VGF: variants seen among roughly 807,000 people sequenced by gnomAD.
VGF encodes the protein VGF nerve growth factor inducible.
A neutral mutation model predicts 41.1 loss-of-function variants in VGF; 13 were observed. The ratio of observed to expected loss-of-function variants is 0.32; its 90% CI spans 0.21 to 0.50. VGF has a LOEUF of 0.50. Ranked by LOEUF, VGF falls within the 20% of genes least tolerant of loss-of-function variation. The pLI, the probability that VGF is intolerant of heterozygous loss-of-function variation, is 0.98. For synonymous variants in VGF, 473 were observed against 418.3 expected (o/e 1.13, Z -1.60); for missense variants, 920 against 882.1 (o/e 1.04, Z -0.54).
In VGF at chr7:101,164,385, G is replaced by T; in HGVS notation, c.459C>A (p.Ser153=). ...GGGACGCTAGCGCCTCGAGCTCCTC[G>T]GAGGGATCGCTCGCCTCGGGCCCAT... ...PENGPEASDP[S]EELEALASLL... is the part of the protein sequence containing the mutation. Residue 153 remains serine (S), a synonymous_variant, in exon 2 of 2, where the codon TCC becomes TCA. Coordinates refer to ENST00000249330, the MANE Select transcript of VGF (RefSeq NM_003378.4). 6.2e-7 allele frequency: 1 copy of T among 1,611,624 alleles called. No homozygotes were observed. The highest frequency in any genetic ancestry group is 8.5e-7 in the Non-Finnish European group (1 of 1,179,852).
chr7:101,162,692 G>C lies in VGF; in HGVS notation c.*304C>G, dbSNP rs978410886. On this transcript the variant is annotated 3_prime_UTR_variant, in exon 2 of 2. Coordinates refer to ENST00000249330, the MANE Select transcript of VGF (RefSeq NM_003378.4). The surrounding 1 kb of genome is among the most constrained non-coding windows in gnomAD (Gnocchi z 4.2). ...ACAATTAACTGGAACTGCTTTTTCC[G>C]GTTTCCGACGGGGACGTCCCCAGAG... is the stretch of plus-strand genomic sequence containing the variant. The C allele has an allele frequency of 5.9e-6, 3 of 509,848 alleles. No individual in the cohort carries two copies. The highest frequency in any genetic ancestry group is 1.1e-5 in the Non-Finnish European group (3 of 270,240). The allele number at this position is 509,848 out of a possible 1,614,324, so 31.6% of individuals were successfully genotyped here.
At chr7:101,165,149 A>C in intron 1 of VGF, 5 of 1,097,476 alleles carry the variant, frequency 4.6e-6, no homozygotes, top group East Asian at 5.3e-5. Flanking sequence ...CAGCAGCAAT[A>C]TGGGGGAAAA....
upstream of VGF, among the ~76,000 whole-genome samples, chr7:101,169,535 A>T (rs1291701268): frequency 3.3e-5 from 5 of 152,102 alleles, no homozygotes; most frequent in Non-Finnish European, 7.4e-5. Context: ...TAGGCTGGAG[A>T]TGTGTGCAGG....
chr7:101,165,610 C>A, upstream of VGF: 1 of 985,330 alleles, frequency 1.0e-6, no homozygotes, highest in African/African-American at 1.7e-5. Context: ...AAGGGGAGCG[C>A]GCGGGGTCAC....
At chr7:101,166,973 AG>A (rs1797231467), upstream of VGF, among the ~76,000 whole-genome samples, 2 of 152,122 alleles carry the variant, frequency 1.3e-5, no homozygotes, top group African/African-American at 4.8e-5. Context: ...CTGCGGACAT[AG>A]GGGTGCTCGT....
Position 101,163,045 on chromosome 7 carries a change from T to C in VGF, c.1799A>G (p.Gln600Arg). Residue 600 changes from glutamine to arginine, a missense_variant, in exon 2 of 2, where the codon CAG becomes CGG. Around this residue, in one of 3 missense-constraint regions of VGF, gnomAD observed 257 missense variants for 217.2 expected, o/e 1.18. Transcript: ENST00000249330. This position sits in a 1 kb window ranked among gnomAD's most constrained non-coding sequence, Gnocchi z 5.0. ...CTCGATGTAATTCTCCAGCTCCTCC[T>C]GCTCCTGCAGCCGGCGCTCCTCCGC... The part of the protein sequence containing the change: ...AEAEERRLQE[Q>R]EELENYIEHV... 2 of 1,570,908 alleles carry C rather than the reference T, an allele frequency of 1.3e-6. No individual in the cohort carries two copies. The highest frequency in any genetic ancestry group is 1.7e-6 in the Non-Finnish European group (2 of 1,163,348).
chr7:101,163,676 C>T lies in VGF; in HGVS notation c.1168G>A (p.Ala390Thr), dbSNP rs1286772333. ...GCCCTCTCCGCCTCCTCCGCCTCTG[C>T]CTCCGCCTCGGCCGCCTCCTCATCC... is the stretch of plus-strand genomic sequence containing the variant. ...EEDEEAAEAE[A>T]EAEEAERARQ... The change falls in exon 2 of 2, where the codon GCA (alanine) becomes ACA (threonine). Residue 390 changes from alanine to threonine, a missense_variant. This residue lies in a region of VGF where 654 missense variants were observed against 638.4 expected (regional missense o/e 1.02). Transcript: ENST00000249330. The surrounding 1 kb of genome is among the most constrained non-coding windows in gnomAD (Gnocchi z 5.0). 1 of 1,538,224 alleles carries T rather than the reference C, an allele frequency of 6.5e-7. No individual in the cohort carries two copies. The highest frequency in any genetic ancestry group is 2.1e-4 in the Middle Eastern group (1 of 4,758).
At position 101,165,380 on chromosome 7, in the gene VGF, G is replaced by C; in HGVS notation, c.-27C>G. 1 of 985,518 alleles carries C rather than the reference G, an allele frequency of 1.0e-6. No individual in the cohort carries two copies. The highest frequency in any genetic ancestry group is 4.7e-5 in the South Asian group (1 of 21,284). The allele number at this position is 985,518 out of a possible 1,614,324, so 61.0% of individuals were successfully genotyped here. A position where few individuals can be genotyped will look rare whatever the true frequency, so the allele number is the denominator to read the frequency against. On this transcript the variant is annotated 5_prime_UTR_variant, in exon 1 of 2. Coordinates refer to ENST00000249330, the MANE Select transcript of VGF (RefSeq NM_003378.4). ...CGAACAGCGGAGTATTTACCAGCTG[G>C]TGTCACGACGCGAGAGGTGGAGAGG... is the stretch of plus-strand genomic sequence containing the variant.
chr7:101,163,349 CGGGGGCGGCACGG>C lies in VGF; in HGVS notation c.1482_1494del (p.Arg495ProfsTer175). The C allele has an allele frequency of 2.7e-5, 6 of 222,904 alleles. No homozygotes were observed. The highest frequency in any genetic ancestry group is 1.1e-4 in the African/African-American group (1 of 9,434). The allele number at this position is 222,904 out of a possible 1,614,324, so 13.8% of individuals were successfully genotyped here. On this transcript the variant is annotated frameshift_variant, in exon 2 of 2. Coordinates refer to ENST00000249330, the MANE Select transcript of VGF (RefSeq NM_003378.4). LOFTEE classifies it high-confidence loss of function. The surrounding 1 kb of genome is among the most constrained non-coding windows in gnomAD (Gnocchi z 5.0). ...TGCGGGGAGCGGACGTGGGTGGGGG[CGGGGGCGGCACGG>C]GGGGGCGGCACGGGCTCGGGAGGGG...
In VGF at chr7:101,164,086, G is replaced by A. The variant is rs1797170747; in HGVS notation, c.758C>T (p.Ser253Phe). ...ETHKFGEGVS[S>F]PKTHLGEALA... ...TGCCTCGCCTAGGTGTGTTTTGGGG[G>A]AGGACACTCCTTCCCCGAACTTGTG... is the stretch of plus-strand genomic sequence containing the variant. The change falls in exon 2 of 2, where the codon TCC (serine) becomes TTC (phenylalanine). Residue 253 changes from serine (S) to phenylalanine (F), a missense_variant. By Grantham distance (155) the Ser-to-Phe change is radical. Around this residue, in one of 3 missense-constraint regions of VGF, gnomAD observed 654 missense variants for 638.4 expected, o/e 1.02. Transcript: ENST00000249330. 5 of 1,500,136 alleles carry A rather than the reference G, an allele frequency of 3.3e-6. No individual in the cohort carries two copies. The highest frequency in any genetic ancestry group is 2.3e-5 in the Admixed American group (1 of 44,072). 92.9% of individuals were successfully genotyped at this position (1,500,136 alleles called of 1,614,324 possible). A position where few individuals can be genotyped will look rare whatever the true frequency, so the allele number is the denominator to read the frequency against.
chr7:101,169,345 C>T (rs1485128603), upstream of VGF, among the ~76,000 whole-genome samples: 1 of 152,088 alleles, frequency 6.6e-6, no homozygotes, highest in South Asian at 2.1e-4. Flanking sequence ...GACACACACA[C>T]ACCATCAAGG....
At chr7:101,166,435 C>T (rs968241348), upstream of VGF, among the ~76,000 whole-genome samples, 3 of 151,898 alleles carry the variant, frequency 2.0e-5, no homozygotes, top group Admixed American at 1.3e-4. Flanking sequence ...CTCCCCCAGT[C>T]GCTTTCCCTC....
At chr7:101,165,255 A>G (rs1797199439) in intron 1 of VGF, 119 bp downstream of exon 1, 1 of 992,058 alleles carries the variant, frequency 1.0e-6, no homozygotes, top group African/African-American at 1.7e-5. Context: ...TTTACCGGGG[A>G]CCCTTACCAG....
In VGF at chr7:101,165,531, C is replaced by A; in HGVS notation, c.-178G>T. The A allele has an allele frequency of 1.0e-6, 1 of 985,432 alleles. No individual in the cohort carries two copies. The highest frequency in any genetic ancestry group is 1.2e-6 in the Non-Finnish European group (1 of 829,938). The allele number at this position is 985,432 out of a possible 1,614,324, so 61.0% of individuals were successfully genotyped here. On this transcript the variant is annotated 5_prime_UTR_variant, in exon 1 of 2. Coordinates refer to ENST00000249330, the MANE Select transcript of VGF (RefSeq NM_003378.4). ...TGGGCTGGGCTCAGCTGGGTCGGCG[C>A]GGCTCCGGGCGGCTAGCTCGCTCCG...
Position 101,164,595 on chromosome 7 carries a change from G to A in VGF, c.249C>T (p.Ala83=). The A allele has an allele frequency of 6.3e-7, 1 of 1,599,926 alleles. No homozygotes were observed. The highest frequency in any genetic ancestry group is 1.1e-5 in the South Asian group (1 of 90,020). ...LFQGVDPRAL[A]AVLLQALDRP... ...GGTCGAGTGCCTGCAGCAGCACCGC[G>A]GCCAGCGCCCGGGGATCCACGCCCT... is the stretch of plus-strand genomic sequence containing the variant. The change falls in exon 2 of 2, where the codon GCC becomes GCT. Residue 83 remains alanine, a synonymous_variant. Transcript: ENST00000249330.
At position 101,164,700 on chromosome 7, in the gene VGF, C is replaced by A. The variant is rs1462450349; in HGVS notation, c.144G>T (p.Val48=). ...EHKEPVAGDA[V]PGPKDGSAPE... ...GGGCGCTGCCATCCTTTGGCCCGGG[C>A]ACTGCGTCCCCGGCTACCGGCTCTT... Residue 48 remains valine (V), a synonymous_variant, in exon 2 of 2, where the codon GTG becomes GTT. Transcript: ENST00000249330. 1 of 1,605,570 alleles carries A rather than the reference C, an allele frequency of 6.2e-7. No homozygotes were observed.
In VGF at chr7:101,163,761, T is replaced by G. The variant is rs1289808617; in HGVS notation, c.1083A>C (p.Ala361=). The G allele has an allele frequency of 6.5e-7, 1 of 1,532,080 alleles. No homozygotes were observed. Among genetic ancestry groups the G allele is most frequent in the East Asian group, 2.4e-5 (1 of 40,848 alleles). 94.9% of individuals were successfully genotyped at this position (1,532,080 alleles called of 1,614,324 possible). ...CCTGCTCCGCCTCCTCCTCCTCCCT[T>G]GCACTCTCTCGCTCCTCCGCCGCCT... is the stretch of plus-strand genomic sequence containing the variant. ...LQEAAEERES[A]REEEEAEQER... Residue 361 remains alanine (A), a synonymous_variant, in exon 2 of 2, where the codon GCA becomes GCC. Transcript: ENST00000249330. This position sits in a 1 kb window ranked among gnomAD's most constrained non-coding sequence, Gnocchi z 5.0.
intron 1 of VGF, 199 bp from the exon 2 acceptor site, chr7:101,165,062 C>G: frequency 7.9e-7 from 1 of 1,269,954 alleles, no homozygotes; most frequent in Non-Finnish European, 9.9e-7. Context: ...GGAAAATAAC[C>G]CCCGAAGCCC....
chr7:101,164,164 G>C lies in VGF; in HGVS notation c.680C>G (p.Ala227Gly), dbSNP rs1260876569. ...CATACGCGCCTGGAATTGAGAGGGG[G>C]CCGGGGGCGGCAGGGGCGCGCGCTC... ...VPERAPLPPP[A>G]PSQFQARMPD... The change falls in exon 2 of 2, where the codon GCC becomes GGC. Residue 227 changes from alanine to glycine, a missense_variant. Physicochemically the swap from Ala to Gly is moderately conservative, Grantham distance 60. Transcript: ENST00000249330. The C allele has an allele frequency of 6.6e-7, 1 of 1,510,710 alleles. No individual in the cohort carries two copies. The highest frequency in any genetic ancestry group is 2.3e-5 in the East Asian group (1 of 43,936). 93.6% of individuals were successfully genotyped at this position (1,510,710 alleles called of 1,614,324 possible).
Sources: allele counts gnomAD v4.1 joint callset (sites outside exome capture counted in the v4.1 genomes callset), GRCh38; gene constraint gnomAD v4.1.1; regional missense constraint gnomAD v4.1.1; non-coding constraint Gnocchi (gnomAD v3.1); transcripts MANE v1.5; gene names NCBI Gene and HGNC (gene_info 2026-07-23, HGNC 2026-07-21).